The following MYO6 variants were observed in gnomAD, a reference collection of about 807,000 sequenced individuals.
MYO6 encodes unconventional myosin-VI.
A neutral mutation model predicts 178.7 loss-of-function variants in MYO6; 74 were observed. The ratio of observed to expected loss-of-function variants is 0.41; its 90% CI spans 0.34 to 0.50. The LOEUF is 0.50. Ranked by LOEUF, MYO6 falls within the 20% of genes least tolerant of loss-of-function variation. MYO6 has a pLI of 0.09. For missense variants in MYO6, 1,330 were observed against 1,547.4 expected (o/e 0.86, Z 2.36); for synonymous variants, 477 against 504.6 (o/e 0.95, Z 0.73).
intron 1 of MYO6, among the ~76,000 whole-genome samples, chr6:75,809,819 T>G (rs1195071368): frequency 2.0e-5 from 3 of 151,028 alleles, no homozygotes; most frequent in Non-Finnish European, 3.0e-5. Flanking sequence ...TCCCAGCACT[T>G]TGGGAGGCCG....
At chr6:75,893,518 T>A (rs370884509) in intron 28 of MYO6, among the ~76,000 whole-genome samples, 2 of 152,196 alleles carry the variant, frequency 1.3e-5, no homozygotes, top group African/African-American at 4.8e-5. Flanking sequence ...TAGATGGCGA[T>A]GTTTCCTTGT....
intron 32 of MYO6, among the ~76,000 whole-genome samples, 159 bp downstream of exon 32, chr6:75,908,786 A>G (rs1443066915): frequency 6.6e-6 from 1 of 152,082 alleles, no homozygotes; most frequent in Non-Finnish European, 1.5e-5. Context: ...TATCTTTTAT[A>G]GCGTTATTTT....
intron 6 of MYO6, 92 bp downstream of exon 6, chr6:75,833,039 T>C: frequency 1.0e-5 from 9 of 859,520 alleles, no homozygotes; most frequent in Admixed American, 1.9e-5. Context: ...CAGGGTGGAA[T>C]GCAGTGTCAC....
At chr6:75,882,743 A>G (rs1778144598) in intron 23 of MYO6, among the ~76,000 whole-genome samples, 1 of 152,188 alleles carries the variant, frequency 6.6e-6, no homozygotes, top group Non-Finnish European at 1.5e-5. Flanking sequence ...CAATAAACAT[A>G]TATGTTTATT....
At chr6:75,786,462 G>C (rs1005673257) in intron 1 of MYO6, among the ~76,000 whole-genome samples, 2 of 152,204 alleles carry the variant, frequency 1.3e-5, no homozygotes, top group African/African-American at 2.4e-5. Flanking sequence ...ATTCAACCTA[G>C]AGATCATGTT....
At chr6:75,890,373 G>A in intron 26 of MYO6, 108 bp downstream of exon 26, 1 of 1,482,248 alleles carries the variant, frequency 6.7e-7, no homozygotes, top group East Asian at 2.5e-5. Context: ...TTGTGACAGG[G>A]TCTTGCTCTG....
In MYO6 at chr6:75,830,399, A is replaced by G; in HGVS notation, c.262-17A>G. ...ATAGTAATTGGAATATTTTATGTTTATGCTTTTCGTATTTAGACATATGTC... is the reference window on the plus strand; with the variant it reads ...ATAGTAATTGGAATATTTTATGTTTGTGCTTTTCGTATTTAGACATATGTC... On this transcript the variant is annotated splice_polypyrimidine_tract_variant and intron_variant, in intron 4 of 34. Coordinates refer to ENST00000369977, the MANE Select transcript of MYO6 (RefSeq NM_004999.4). 6.2e-7 allele frequency: 1 copy of G among 1,604,932 alleles called. No homozygotes were observed. The highest frequency in any genetic ancestry group is 8.5e-7 in the Non-Finnish European group (1 of 1,172,282).
intron 1 of MYO6, among the ~76,000 whole-genome samples, chr6:75,786,817 T>C (rs948417651): frequency 6.6e-6 from 1 of 152,216 alleles, no homozygotes; most frequent in African/African-American, 2.4e-5. Flanking sequence ...TAAGTTGACA[T>C]GCTGTCCCTT....
chr6:75,906,167 ATAGT>A (rs71687228), intron 30 of MYO6, among the ~76,000 whole-genome samples: 3,340 of 152,126 alleles, frequency 0.022, 76 homozygotes, highest in African/African-American at 0.06. Flanking sequence ...TTGTTCTTTA[ATAGT>A]TAGTTAGTTT....
chr6:75,778,917 T>C (rs1377558302), intron 1 of MYO6, among the ~76,000 whole-genome samples: 6 of 151,126 alleles, frequency 4.0e-5, no homozygotes, highest in South Asian at 4.2e-4. Context: ...ATCAGCTGGG[T>C]ATGGTGGTGC....
chr6:75,919,327 T>G lies in MYO6; in HGVS notation c.*4315T>G, dbSNP rs923104386. On this transcript the variant is annotated 3_prime_UTR_variant, in exon 35 of 35. Coordinates refer to ENST00000369977, the MANE Select transcript of MYO6 (RefSeq NM_004999.4). ...TTATTCCACTCTTTATGTCCATATC[T>G]ACACATTCAATCCTAATTTGTACCA... The G allele has an allele frequency of 6.6e-6, 1 of 152,380 alleles. No homozygotes were observed. Among genetic ancestry groups the G allele is most frequent in the African/African-American group, 2.4e-5 (1 of 41,460 alleles). 9.4% of individuals were successfully genotyped at this position (152,380 alleles called of 1,614,324 possible). A position where few individuals can be genotyped will look rare whatever the true frequency, so the allele number is the denominator to read the frequency against.
At chr6:75,797,418 A>G (rs1263644964) in intron 1 of MYO6, among the ~76,000 whole-genome samples, 1 of 152,136 alleles carries the variant, frequency 6.6e-6, no homozygotes, top group African/African-American at 2.4e-5. Flanking sequence ...AAGCAGGCAT[A>G]TTATGTTCAA....
chr6:75,819,846 GA>G (rs1771696790), intron 2 of MYO6, among the ~76,000 whole-genome samples: 1 of 152,174 alleles, frequency 6.6e-6, no homozygotes, highest in African/African-American at 2.4e-5. Flanking sequence ...TTGAGCTCAG[GA>G]ATTTGAGACT....
At chr6:75,901,703 G>C (rs1254622132) in intron 30 of MYO6, among the ~76,000 whole-genome samples, 1 of 152,018 alleles carries the variant, frequency 6.6e-6, no homozygotes, top group African/African-American at 2.4e-5. Flanking sequence ...TTTCCTAATT[G>C]AATACCCTTT....
intron 5 of MYO6, among the ~76,000 whole-genome samples, chr6:75,831,484 C>T (rs1396482043): frequency 1.3e-5 from 2 of 152,166 alleles, no homozygotes; most frequent in Admixed American, 6.5e-5. Context: ...GTGCCCCATC[C>T]CTTAGAACCT....
intron 19 of MYO6, 70 bp from the exon 20 acceptor site, chr6:75,873,137 A>G: frequency 1.8e-6 from 2 of 1,138,368 alleles, no homozygotes; most frequent in Non-Finnish European, 2.7e-6. Context: ...TGAAAGTTGC[A>G]GGTATTCATA....
chr6:75,859,151 A>G (rs1775980102), intron 14 of MYO6, among the ~76,000 whole-genome samples, 158 bp downstream of exon 14: 1 of 152,210 alleles, frequency 6.6e-6, no homozygotes. Context: ...CCCGGGGCTC[A>G]GGCACGTCAG....
chr6:75,860,144 C>T (rs1776081244), intron 14 of MYO6, among the ~76,000 whole-genome samples: 1 of 152,204 alleles, frequency 6.6e-6, no homozygotes, highest in Admixed American at 6.5e-5. Flanking sequence ...TTTATCTGGG[C>T]TGAAATGTGC....
rs1271446384 is a variant in MYO6 at position 75,870,122 on chromosome 6, A to G, written c.1945-525A>G. On this transcript the variant is annotated intron_variant, in intron 18 of 34. Coordinates refer to ENST00000369977, the MANE Select transcript of MYO6 (RefSeq NM_004999.4). ...GAGCAAGACTCCGTCTCAAAAAAAG[A>G]AAAAAAAAAAAGTTACAGAGGATTT... Among the ~76,000 whole-genome samples, 3 of 146,594 alleles carry G rather than the reference A, an allele frequency of 2.0e-5. No homozygotes were observed. The Admixed American group carries it at 2.0e-4, about 10-fold the overall frequency.
Sources: allele counts gnomAD v4.1 joint callset (sites outside exome capture counted in the v4.1 genomes callset), GRCh38; gene constraint gnomAD v4.1.1; transcripts MANE v1.5; gene names NCBI Gene and HGNC (gene_info 2026-07-23, HGNC 2026-07-21).